Variants in DPP10 observed in about 807,000 individuals in gnomAD.
The protein encoded by DPP10 is dipeptidyl peptidase like 10, also known as inactive dipeptidyl peptidase 10.
In DPP10, 33 loss-of-function variants were observed where a neutral mutation model predicts 120.9. That is an observed-to-expected ratio of 0.27 (90% CI 0.21 to 0.37). DPP10 has a LOEUF of 0.37. Ranked by LOEUF, DPP10 falls within the 10% of genes least tolerant of loss-of-function variation. The probability of loss-of-function intolerance (pLI) is 1.00; values close to 1 mark genes in which losing one functional copy is unlikely to be tolerated. For synonymous variants in DPP10, 337 were observed against 326.1 expected (o/e 1.03, Z -0.36); for missense variants, 816 against 942.8 (o/e 0.87, Z 1.76).
At chr2:115,082,929 TA>T (rs964827216) in intron 1 of DPP10, among the ~76,000 whole-genome samples, 4 of 152,256 alleles carry the variant, frequency 2.6e-5, no homozygotes, top group Admixed American at 6.5e-5. Context: ...TATATTACTT[TA>T]TTTAAATTGT....
rs539354473 is a variant in DPP10, at chr2:115,534,573, G to A, written c.441+8601G>A. On this transcript the variant is annotated intron_variant, in intron 5 of 25. Transcript: ENST00000410059. Reference sequence around the variant, plus strand: ...TTGAATAATGCCGCAATAAACATACGTGTGCATGTGTCTTTATAGCAGCAT... The same window carrying A: ...TTGAATAATGCCGCAATAAACATACATGTGCATGTGTCTTTATAGCAGCAT... Among the ~76,000 whole-genome samples, 1,114 of 151,998 alleles carry A rather than the reference G, an allele frequency of 7.3e-3. 6 individuals carry two copies. Among genetic ancestry groups the A allele is most frequent in the African/African-American group, 0.024 (1,013 of 41,412 alleles).
intron 1 of DPP10, among the ~76,000 whole-genome samples, chr2:114,499,856 G>A (rs1286001874): frequency 6.6e-6 from 1 of 152,172 alleles, no homozygotes; most frequent in Non-Finnish European, 1.5e-5. Flanking sequence ...CCTTAAATGA[G>A]GCCCAACATG....
chr2:115,274,451 T>TA (rs1559349160), intron 1 of DPP10, among the ~76,000 whole-genome samples: 2 of 151,808 alleles, frequency 1.3e-5, no homozygotes, highest in East Asian at 1.9e-4. Context: ...TATTTTTTTT[T>TA]AATATTTTCA....
intron 1 of DPP10, among the ~76,000 whole-genome samples, chr2:115,035,907 G>T (rs1704198730): frequency 6.6e-6 from 1 of 152,162 alleles, no homozygotes; most frequent in African/African-American, 2.4e-5. Context: ...TGCTCCCTAT[G>T]TTTGGATGAT....
intron 1 of DPP10, among the ~76,000 whole-genome samples, chr2:115,151,496 C>T (rs947012528): frequency 2.9e-4 from 44 of 150,000 alleles, no homozygotes; most frequent in Non-Finnish European, 4.4e-4. Flanking sequence ...CAACCTCTGC[C>T]GCCTGGGTTC....
intron 1 of DPP10, among the ~76,000 whole-genome samples, chr2:115,025,313 T>C (rs367741043): frequency 6.6e-6 from 1 of 152,174 alleles, no homozygotes; most frequent in East Asian, 1.9e-4. Flanking sequence ...TTCATCCATG[T>C]TACTTCAAAT....
intron 1 of DPP10, among the ~76,000 whole-genome samples, chr2:115,012,610 G>C (rs1330982600): frequency 2.0e-5 from 3 of 152,152 alleles, no homozygotes; most frequent in African/African-American, 7.2e-5. Context: ...TGGCTCACAG[G>C]AAGCTCCATT....
intron 11 of DPP10, among the ~76,000 whole-genome samples, chr2:115,761,470 C>T (rs1473349721): frequency 1.3e-5 from 2 of 152,036 alleles, no homozygotes; most frequent in Admixed American, 1.3e-4. Flanking sequence ...AAAGACTTTG[C>T]ATTCTGTTAA....
At chr2:114,782,228 G>A (rs867302914) in intron 1 of DPP10, among the ~76,000 whole-genome samples, 4 of 151,832 alleles carry the variant, frequency 2.6e-5, no homozygotes, top group East Asian at 1.9e-4. Flanking sequence ...TTAATTTTGC[G>A]TATAAGGAGA....
At chr2:115,127,973 G>A (rs2050160125) in intron 1 of DPP10, among the ~76,000 whole-genome samples, 2 of 152,060 alleles carry the variant, frequency 1.3e-5, no homozygotes, top group Non-Finnish European at 2.9e-5. Context: ...TTGACCATGT[G>A]CTTGTGTTAG....
chr2:115,032,164 T>G (rs1703885227), intron 1 of DPP10, among the ~76,000 whole-genome samples: 1 of 148,640 alleles, frequency 6.7e-6, no homozygotes, highest in Admixed American at 6.9e-5. Flanking sequence ...TCCATTTTTT[T>G]TCCTAGCAAT....
chr2:114,589,488 C>T (rs565327146), intron 1 of DPP10, among the ~76,000 whole-genome samples: 175 of 152,238 alleles, frequency 1.1e-3, no homozygotes, highest in African/African-American at 3.9e-3. Flanking sequence ...TTTTGAGCTC[C>T]TTTTCCATAA....
intron 1 of DPP10, among the ~76,000 whole-genome samples, chr2:114,633,046 A>G (rs1695051275): frequency 6.6e-6 from 1 of 151,756 alleles, no homozygotes; most frequent in African/African-American, 2.4e-5. Flanking sequence ...TTCATGGGCA[A>G]TCATATTTAG....
chr2:114,661,961 G>A (rs1697437504), intron 1 of DPP10, among the ~76,000 whole-genome samples: 1 of 151,616 alleles, frequency 6.6e-6, no homozygotes, highest in Non-Finnish European at 1.5e-5. Context: ...CTCCGGGATC[G>A]CGCCGTTGCA....
intron 1 of DPP10, among the ~76,000 whole-genome samples, chr2:114,743,879 G>A (rs777217864): frequency 2.0e-5 from 3 of 151,698 alleles, no homozygotes; most frequent in Non-Finnish European, 2.9e-5. Context: ...GGATGTGATC[G>A]GGTTCAAAAA....
rs554753178 is a variant in DPP10, at chr2:115,474,588, C to G, written c.272-24922C>G. Among the ~76,000 whole-genome samples the G allele has an allele frequency of 4.9e-4, 75 of 152,190 alleles. 1 individual carries two copies. The South Asian group carries it at 0.012, about 25-fold the overall frequency. ...GGTAGAAGAAATTTCTAAGGAGCAACTGATTCAAGATGTGGCCAGGCTGCT... is the reference window on the plus strand; with the variant it reads ...GGTAGAAGAAATTTCTAAGGAGCAAGTGATTCAAGATGTGGCCAGGCTGCT... On this transcript the variant is annotated intron_variant, in intron 3 of 25. Transcript: ENST00000410059.
chr2:115,009,821 A>G (rs562929928), intron 1 of DPP10, among the ~76,000 whole-genome samples: 19 of 152,294 alleles, frequency 1.2e-4, no homozygotes, highest in African/African-American at 2.4e-4. Flanking sequence ...TATGACCTTT[A>G]TACATTATAT....
chr2:114,589,761 G>T (rs1306064977), intron 1 of DPP10, among the ~76,000 whole-genome samples: 2 of 150,064 alleles, frequency 1.3e-5, no homozygotes, highest in Admixed American at 1.3e-4. Context: ...ACCAGATACT[G>T]TCTCTTTCTC....
At chr2:115,835,102 C>G (rs968698438) in intron 21 of DPP10, among the ~76,000 whole-genome samples, 1 of 151,360 alleles carries the variant, frequency 6.6e-6, no homozygotes, top group Non-Finnish European at 1.5e-5. Flanking sequence ...CACCACTGCA[C>G]TCCAGCCTGG....
Sources: gnomAD v4.1 joint callset for allele counts (sites outside exome capture counted in the v4.1 genomes callset) on GRCh38, gnomAD v4.1.1 for gene constraint, MANE v1.5 for transcripts, NCBI Gene and HGNC (gene_info 2026-07-23, HGNC 2026-07-21) for gene names.